The following TCOF1 variants were observed in gnomAD, a reference collection of about 807,000 sequenced individuals.
The protein encoded by TCOF1 is treacle ribosome biogenesis factor 1, also known as treacle protein.
A neutral mutation model predicts 149.0 loss-of-function variants in TCOF1; 33 were observed. That is an observed-to-expected ratio of 0.22 (90% CI 0.17 to 0.30). TCOF1 has a LOEUF of 0.30. TCOF1 is among the 10% of genes least tolerant of loss of function. TCOF1 has a pLI of 1.00. For missense variants in TCOF1, 1,728 were observed against 1,840.7 expected (o/e 0.94, Z 1.12); for synonymous variants, 789 against 738.8 (o/e 1.07, Z -1.10).
chr5:150,392,499 T>C lies in TCOF1; in HGVS notation c.3518-206T>C, dbSNP rs551719936. The C allele has an allele frequency of 3.9e-5, 24 of 620,558 alleles. No individual in the cohort carries two copies. The African/African-American group carries it at 4.0e-4, about 10-fold the overall frequency. 38.4% of individuals were successfully genotyped at this position (620,558 alleles called of 1,614,324 possible). A position where few individuals can be genotyped will look rare whatever the true frequency, so the allele number is the denominator to read the frequency against. ...GGCCTCAGGAATTAGAAATAAGGCTTTGGCATTCAAATGTCGCACCTAGCA... is the reference window on the plus strand; with the variant it reads ...GGCCTCAGGAATTAGAAATAAGGCTCTGGCATTCAAATGTCGCACCTAGCA... On this transcript the variant is annotated intron_variant, in intron 21 of 26. Transcript: ENST00000643257.
rs774599369 is a variant in TCOF1 at position 150,376,126 on chromosome 5, G to A, written c.1938G>A (p.Lys646=). The change falls in exon 13 of 27, where the codon AAG becomes AAA. Residue 646 remains lysine, a synonymous_variant. Coordinates refer to ENST00000643257, the MANE Select transcript of TCOF1 (RefSeq NM_001371623.1). The stretch of plus-strand genomic sequence containing the variant: ...TTCCTCAGACCAAGGCCTGCCCAAA[G>A]AAAACCAATACCACTGCATCTGCCA... ...LKIPQTKACP[K]KTNTTASAKV... is the part of the protein sequence containing the mutation. The A allele has an allele frequency of 1.9e-6, 3 of 1,614,120 alleles. No individual in the cohort carries two copies. The highest frequency in any genetic ancestry group is 2.5e-6 in the Non-Finnish European group (3 of 1,180,048).
At chr5:150,374,862 C>A in intron 9 of TCOF1, 51 bp downstream of exon 9, 2 of 1,609,514 alleles carry the variant, frequency 1.2e-6, no homozygotes, top group Non-Finnish European at 1.7e-6. Context: ...AACCCCAGCA[C>A]CTGCATGGGT....
intron 23 of TCOF1, 117 bp from the exon 24 acceptor site, chr5:150,396,165 A>T (rs1432197897): frequency 7.5e-6 from 9 of 1,195,184 alleles, no homozygotes; most frequent in Non-Finnish European, 1.1e-5. Context: ...TGCTCTCCCC[A>T]TCTGTGCCAT....
intron 4 of TCOF1, chr5:150,368,476 A>G (rs1384736373): frequency 1.8e-6 from 1 of 564,002 alleles, no homozygotes; most frequent in Non-Finnish European, 3.2e-6. Flanking sequence ...ACAAACTGCT[A>G]CTTACCACTT....
intron 2 of TCOF1, among the ~76,000 whole-genome samples, chr5:150,361,750 G>A (rs1338374220): frequency 2.0e-5 from 3 of 152,180 alleles, no homozygotes; most frequent in Non-Finnish European, 1.5e-5. Flanking sequence ...AGAGCTATAG[G>A]AATTGGAGGA....
In TCOF1 at chr5:150,361,136, T is replaced by C. The variant is rs1392596802; in HGVS notation, c.109-20T>C. ...ACTGTGCTGGGGATTAATTGTGGCT[T>C]TCTCTTTACCTCTCTGCAGAAGTGT... On this transcript the variant is annotated intron_variant, in intron 1 of 26. Transcript: ENST00000643257. 2 of 1,614,100 alleles carry C rather than the reference T, an allele frequency of 1.2e-6. No homozygotes were observed. The highest frequency in any genetic ancestry group is 1.7e-6 in the Non-Finnish European group (2 of 1,179,974).
intron 6 of TCOF1, among the ~76,000 whole-genome samples, chr5:150,370,267 G>A (rs1467578852): frequency 6.6e-6 from 1 of 152,246 alleles, no homozygotes; most frequent in East Asian, 1.9e-4. Flanking sequence ...AGAGGGCCAC[G>A]CAGGGCAGGA....
chr5:150,379,271 G>T lies in TCOF1; in HGVS notation c.2521G>T (p.Ala841Ser), dbSNP rs1280304395. 6.2e-7 allele frequency: 1 copy of T among 1,614,222 alleles called. No individual in the cohort carries two copies. The highest frequency in any genetic ancestry group is 1.7e-5 in the Admixed American group (1 of 60,028). ...VRNPQNSTVL[A>S]RGPASVPSVG... Reference sequence around the variant, plus strand: ...AAACCCCCAGAACAGTACCGTCTTGGCGAGGGGCCCAGCATCTGTGCCATC... The same window carrying T: ...AAACCCCCAGAACAGTACCGTCTTGTCGAGGGGCCCAGCATCTGTGCCATC... The change falls in exon 16 of 27, where the codon GCG (alanine) becomes TCG (serine). Residue 841 changes from alanine to serine, a missense_variant. Coordinates refer to ENST00000643257, the MANE Select transcript of TCOF1 (RefSeq NM_001371623.1).
rs1166720247 is a variant in TCOF1 at position 150,364,693 on chromosome 5, G to A, written c.304+441G>A. ...GAATTGTACCCATTAGCACTGGAAC[G>A]CTGTACTGGGCACTGGTTTTACACC... On this transcript the variant is annotated intron_variant, in intron 3 of 26. Coordinates refer to ENST00000643257, the MANE Select transcript of TCOF1 (RefSeq NM_001371623.1). Among the ~76,000 whole-genome samples the A allele has an allele frequency of 2.6e-5, 4 of 152,322 alleles. No homozygotes were observed. In the East Asian group the frequency reaches 5.8e-4, roughly 22 times the overall value.
chr5:150,393,686 T>A, intron 23 of TCOF1, 134 bp downstream of exon 23: 1 of 1,231,260 alleles, frequency 8.1e-7, no homozygotes. Context: ...AGTGAGACCT[T>A]GTGGCCTTGC....
chr5:150,375,051 C>G lies in TCOF1; in HGVS notation c.1376C>G (p.Thr459Arg), dbSNP rs1329311135. The change falls in exon 10 of 27, where the codon ACA (threonine) becomes AGA (arginine). Residue 459 changes from threonine to arginine, a missense_variant. Around this residue, in one of 2 missense-constraint regions of TCOF1, gnomAD observed 1,696 missense variants for 1,765.4 expected, o/e 0.96. Coordinates refer to ENST00000643257, the MANE Select transcript of TCOF1 (RefSeq NM_001371623.1). ...KGAAPAPPRK[T>R]GPAAAQVQVG... The stretch of plus-strand genomic sequence containing the variant: ...GCTGCCCCAGCACCTCCTAGGAAAA[C>G]AGGGCCTGCAGCCGCCCAGGTCCAG... 1 of 1,614,052 alleles carries G rather than the reference C, an allele frequency of 6.2e-7. No individual in the cohort carries two copies. The highest frequency in any genetic ancestry group is 2.2e-5 in the East Asian group (1 of 44,902).
At position 150,388,058 on chromosome 5, in the gene TCOF1, G is replaced by C. The variant is rs368011460; in HGVS notation, c.3016G>C (p.Val1006Leu). ...CTCCTCCGAGAGCGAGGATGAGGAC[G>C]TGATCCCCGCTACACAGTGCTTGAC... Reference protein sequence around the residue: ...SSSSESEDEDVIPATQCLTPG... With the variant: ...SSSSESEDEDLIPATQCLTPG... The change falls in exon 18 of 27, where the codon GTG (valine) becomes CTG (leucine). Residue 1006 changes from valine (V) to leucine (L), a missense_variant. Around this residue, in one of 2 missense-constraint regions of TCOF1, gnomAD observed 1,696 missense variants for 1,765.4 expected, o/e 0.96. Coordinates refer to ENST00000643257, the MANE Select transcript of TCOF1 (RefSeq NM_001371623.1). 1.9e-6 allele frequency: 3 copies of C among 1,613,574 alleles called. No homozygotes were observed. The highest frequency in any genetic ancestry group is 2.2e-5 in the East Asian group (1 of 44,864).
At chr5:150,378,435 A>G (rs1764303855) in intron 14 of TCOF1, among the ~76,000 whole-genome samples, 1 of 152,116 alleles carries the variant, frequency 6.6e-6, no homozygotes. Context: ...TGGCTGCTTG[A>G]GCTCCAGCTC....
chr5:150,387,441 C>G lies in TCOF1; in HGVS notation c.2860-461C>G, dbSNP rs1051581811. Among the ~76,000 whole-genome samples, 5 of 152,218 alleles carry G rather than the reference C, an allele frequency of 3.3e-5. No individual in the cohort carries two copies. In the East Asian group the frequency reaches 9.6e-4, roughly 29 times the overall value. On this transcript the variant is annotated intron_variant, in intron 17 of 26. Transcript: ENST00000643257. ...TGGGGCAACTAGACTGTAAATACCTCCCCAGGTGAATTGCATATTCCAACC... is the reference window on the plus strand; with the variant it reads ...TGGGGCAACTAGACTGTAAATACCTGCCCAGGTGAATTGCATATTCCAACC...
chr5:150,368,657 C>A, intron 4 of TCOF1, 59 bp from the exon 5 acceptor site: 1 of 1,600,536 alleles, frequency 6.2e-7, no homozygotes, highest in Non-Finnish European at 8.6e-7. Flanking sequence ...ATGCAAGTGG[C>A]CTGTGCTCTT....
intron 17 of TCOF1, chr5:150,383,960 C>G: frequency 6.9e-7 from 1 of 1,441,860 alleles, no homozygotes; most frequent in Non-Finnish European, 9.1e-7. Context: ...CTGGCCCTTC[C>G]ATCAGACAGC....
At chr5:150,357,967 C>A in intron 1 of TCOF1, 113 bp downstream of exon 1, 1 of 1,062,412 alleles carries the variant, frequency 9.4e-7, no homozygotes, top group Non-Finnish European at 1.3e-6. Flanking sequence ...CCGGGTCCCG[C>A]AGTGCTCGAC....
chr5:150,367,707 T>G, intron 3 of TCOF1, 137 bp from the exon 4 acceptor site: 1 of 957,230 alleles, frequency 1.0e-6, no homozygotes, highest in East Asian at 2.6e-5. Flanking sequence ...CCTGCAAGTC[T>G]GGGCTCAGCC....
intron 3 of TCOF1, 133 bp from the exon 4 acceptor site, chr5:150,367,711 C>T (rs1562303874): frequency 3.0e-6 from 3 of 1,011,012 alleles, no homozygotes; most frequent in Non-Finnish European, 4.5e-6. Context: ...CAAGTCTGGG[C>T]TCAGCCTCAG....
Sources: gnomAD v4.1 joint callset for allele counts (sites outside exome capture counted in the v4.1 genomes callset) on GRCh38, gnomAD v4.1.1 for gene constraint, gnomAD v4.1.1 regional missense constraint, MANE v1.5 for transcripts, NCBI Gene and HGNC (gene_info 2026-07-23, HGNC 2026-07-21) for gene names.